The following ULK4 variants were observed in gnomAD, a reference collection of about 807,000 sequenced individuals.
The protein encoded by ULK4 is inactive serine/threonine-protein kinase ULK4.
A neutral mutation model predicts 160.6 loss-of-function variants in ULK4; 133 were observed. The ratio of observed to expected loss-of-function variants is 0.83; its 90% CI spans 0.72 to 0.96. The LOEUF (loss-of-function observed/expected upper bound fraction) is 0.96, where lower values mean the gene tolerates loss of function less well. ULK4 is among the 40% of genes least tolerant of loss of function. The pLI is 0.00. For missense variants in ULK4, 1,580 were observed against 1,499.5 expected, an observed-to-expected ratio of 1.05 and a Z score of -0.89; for synonymous variants, 534 against 539.8, an observed-to-expected ratio of 0.99 and a Z score of 0.15.
intron 12 of ULK4, among the ~76,000 whole-genome samples, chr3:41,904,377 A>G (rs1619312): frequency 0.81 from 123,740 of 152,074 alleles, 54,691 homozygotes; most frequent in Non-Finnish European, 0.98. Flanking sequence ...TGCAATGAGC[A>G]ACGATCATGC....
chr3:41,391,766 C>T (rs539662567), intron 35 of ULK4, among the ~76,000 whole-genome samples: 34 of 152,122 alleles, frequency 2.2e-4, no homozygotes, highest in African/African-American at 7.9e-4. Context: ...ATGGTGAGCA[C>T]AGCAAGACTT....
At chr3:41,625,966 G>A (rs1339310653) in intron 30 of ULK4, among the ~76,000 whole-genome samples, 1 of 152,154 alleles carries the variant, frequency 6.6e-6, no homozygotes, top group African/African-American at 2.4e-5. Flanking sequence ...AGTAACTCCA[G>A]ATGGGTAAAC....
At position 41,868,150 on chromosome 3, in the gene ULK4, T is replaced by G. The variant is rs1696964751; in HGVS notation, c.1656+15724A>C. 4.6e-5 allele frequency among the ~76,000 whole-genome samples: 7 copies of G among 152,310 alleles called. 2 individuals are homozygous for G. In the South Asian group the frequency reaches 1.5e-3, roughly 32 times the overall value. On this transcript the variant is annotated intron_variant, in intron 17 of 36. Coordinates refer to ENST00000301831, the MANE Select transcript of ULK4 (RefSeq NM_017886.4). The stretch of plus-strand genomic sequence containing the variant: ...AATTTCATTAATATCATTCAAATCT[T>G]CCATGTTCTCACATAATTTTTATCT...
At chr3:41,765,065 C>T (rs560595007) in intron 21 of ULK4, among the ~76,000 whole-genome samples, 2 of 152,008 alleles carry the variant, frequency 1.3e-5, no homozygotes, top group Admixed American at 1.3e-4. Context: ...GGGTATATAC[C>T]CAAAGGATTA....
At chr3:41,452,485 T>C (rs2083444437) in intron 34 of ULK4, among the ~76,000 whole-genome samples, 1 of 152,166 alleles carries the variant, frequency 6.6e-6, no homozygotes, top group Admixed American at 6.5e-5. Context: ...AGGGCAGCTC[T>C]TACAAGGAGT....
At chr3:41,570,669 G>A (rs1350340078) in intron 31 of ULK4, among the ~76,000 whole-genome samples, 2 of 151,938 alleles carry the variant, frequency 1.3e-5, no homozygotes, top group Non-Finnish European at 2.9e-5. Context: ...TAATACCCTT[G>A]GCAACTACTT....
intron 29 of ULK4, among the ~76,000 whole-genome samples, chr3:41,677,485 T>C (rs2035762878): frequency 6.6e-6 from 1 of 151,848 alleles, no homozygotes; most frequent in African/African-American, 2.4e-5. Flanking sequence ...GTGCCTGCCA[T>C]CACACCCAGC....
At chr3:41,769,248 G>C (rs1199713414) in intron 21 of ULK4, among the ~76,000 whole-genome samples, 1 of 152,154 alleles carries the variant, frequency 6.6e-6, no homozygotes, top group Non-Finnish European at 1.5e-5. Flanking sequence ...GAACAGTAAT[G>C]ACTTTGACTC....
intron 30 of ULK4, among the ~76,000 whole-genome samples, chr3:41,650,079 C>A (rs1361788795): frequency 6.6e-6 from 1 of 152,096 alleles, no homozygotes; most frequent in Non-Finnish European, 1.5e-5. Context: ...CACAGGTCTC[C>A]TCTCTGCTGA....
chr3:41,889,766 C>T (rs1697851457), intron 16 of ULK4, among the ~76,000 whole-genome samples: 2 of 152,172 alleles, frequency 1.3e-5, no homozygotes, highest in Admixed American at 1.3e-4. Flanking sequence ...AATCTCACTA[C>T]TGTAAGAGAA....
At chr3:41,780,331 T>C (rs946789382) in intron 21 of ULK4, among the ~76,000 whole-genome samples, 5 of 151,896 alleles carry the variant, frequency 3.3e-5, no homozygotes, top group Admixed American at 6.6e-5. Flanking sequence ...AAGTGCATGA[T>C]GGTGTATGCT....
chr3:41,623,015 GA>G (rs1559439598), intron 30 of ULK4, among the ~76,000 whole-genome samples: 1 of 152,054 alleles, frequency 6.6e-6, no homozygotes, highest in Non-Finnish European at 1.5e-5. Context: ...ATGTTTAGGG[GA>G]AAGCTACAGT....
chr3:41,713,965 T>C (rs2037181953), intron 25 of ULK4, among the ~76,000 whole-genome samples: 1 of 152,010 alleles, frequency 6.6e-6, no homozygotes, highest in African/African-American at 2.4e-5. Flanking sequence ...ATTATACCTA[T>C]CCCAAACAAA....
chr3:41,682,829 G>GA (rs1559482692), intron 27 of ULK4, among the ~76,000 whole-genome samples: 1 of 152,146 alleles, frequency 6.6e-6, no homozygotes, highest in African/African-American at 2.4e-5. Context: ...CTATGCAAAG[G>GA]AAAGAAATAT....
intron 35 of ULK4, among the ~76,000 whole-genome samples, chr3:41,366,077 A>C (rs1165479039): frequency 6.6e-6 from 1 of 152,248 alleles, no homozygotes; most frequent in Non-Finnish European, 1.5e-5. Flanking sequence ...AACCAGGCTA[A>C]TAATGGCACC....
chr3:41,726,426 C>T (rs1172043286), intron 22 of ULK4, among the ~76,000 whole-genome samples: 1 of 152,178 alleles, frequency 6.6e-6, no homozygotes, highest in East Asian at 1.9e-4. Context: ...GAATTCACAT[C>T]TATAAAGGAG....
chr3:41,692,289 G>A (rs1448352379), intron 27 of ULK4, among the ~76,000 whole-genome samples: 2 of 151,956 alleles, frequency 1.3e-5, no homozygotes, highest in Admixed American at 6.6e-5. Context: ...AAACCACGAC[G>A]ACACAATCTG....
intron 35 of ULK4, among the ~76,000 whole-genome samples, chr3:41,328,040 A>AG (rs1444632027): frequency 6.6e-6 from 1 of 152,206 alleles, no homozygotes; most frequent in Admixed American, 6.5e-5. Context: ...ACTGGGAAAA[A>AG]TGGTGGATAT....
intron 32 of ULK4, among the ~76,000 whole-genome samples, chr3:41,535,314 A>T (rs2086460875): frequency 6.6e-6 from 1 of 152,216 alleles, no homozygotes; most frequent in South Asian, 2.1e-4. Flanking sequence ...ATATGAAGAA[A>T]AATAATGTGT....
Sources: gnomAD v4.1 joint callset for allele counts (sites outside exome capture counted in the v4.1 genomes callset) on GRCh38, gnomAD v4.1.1 for gene constraint, MANE v1.5 for transcripts, NCBI Gene and HGNC (gene_info 2026-07-23, HGNC 2026-07-21) for gene names.